The following ATXN1 variants were observed in gnomAD, a reference collection of about 807,000 sequenced individuals.
ATXN1 encodes the protein ataxin 1.
A neutral mutation model predicts 56.4 loss-of-function variants in ATXN1; 8 were observed. The observed-to-expected ratio is 0.14, with a 90% confidence interval of 0.08 to 0.26. The LOEUF (loss-of-function observed/expected upper bound fraction) is 0.26, where lower values mean the gene tolerates loss of function less well. Among genes scored for constraint, ATXN1 ranks in the 10% least tolerant of loss-of-function variants. The pLI, the probability that ATXN1 is intolerant of heterozygous loss-of-function variation, is 1.00. For missense variants in ATXN1, 987 were observed against 1,106.5 expected (o/e 0.89, Z 1.53); for synonymous variants, 514 against 494.6 (o/e 1.04, Z -0.52).
chr6:16,421,236 A>T (rs1181061825), intron 6 of ATXN1, among the ~76,000 whole-genome samples: 1 of 152,186 alleles, frequency 6.6e-6, no homozygotes, highest in East Asian at 1.9e-4. Context: ...GTGTGAGAAG[A>T]CATGAGTTCA....
rs1760040780 is a variant in ATXN1 at position 16,299,931 on chromosome 6, A to G, written c.*6398T>C. On this transcript the variant is annotated 3_prime_UTR_variant, in exon 8 of 8. Coordinates refer to ENST00000436367, the MANE Select transcript of ATXN1 (RefSeq NM_001128164.2). The stretch of plus-strand genomic sequence containing the variant: ...ACCCCACTCCTGGGCCAGAAAACTG[A>G]AAGAGTAGGTGGTTCCTGTAAGAAC... 1 of 152,670 alleles carries G rather than the reference A, an allele frequency of 6.6e-6. No homozygotes were observed. The highest frequency in any genetic ancestry group is 1.5e-5 in the Non-Finnish European group (1 of 68,042). 9.5% of individuals were successfully genotyped at this position (152,670 alleles called of 1,614,324 possible).
intron 6 of ATXN1, among the ~76,000 whole-genome samples, chr6:16,332,345 A>G (rs1761012046): frequency 6.6e-6 from 1 of 152,198 alleles, no homozygotes; most frequent in South Asian, 2.1e-4. Context: ...TCATGGGACT[A>G]AACAACAAAG....
At chr6:16,434,451 CT>C (rs1759348505) in intron 6 of ATXN1, among the ~76,000 whole-genome samples, 1 of 152,184 alleles carries the variant, frequency 6.6e-6, no homozygotes, top group Non-Finnish European at 1.5e-5. Context: ...CCTTCTAAAA[CT>C]TTGCTTACTG....
chr6:16,404,369 C>T (rs761327964), intron 6 of ATXN1, among the ~76,000 whole-genome samples: 2 of 152,170 alleles, frequency 1.3e-5, no homozygotes. Context: ...ACATTTTCCA[C>T]TAAAAGGTGC....
chr6:16,433,440 A>T lies in ATXN1; in HGVS notation c.-161+52532T>A, dbSNP rs192459682. On this transcript the variant is annotated intron_variant, in intron 6 of 7. Transcript: ENST00000436367. ...TGTTGGCTTTAAGGAGGATAAGAAG[A>T]ACTGAGTGCTCCAAGGAGATTTTAG... Among the ~76,000 whole-genome samples, 492 of 152,308 alleles carry T rather than the reference A, an allele frequency of 3.2e-3. 2 individuals carry two copies. Among genetic ancestry groups the T allele is most frequent in the African/African-American group, 0.011 (462 of 41,556 alleles).
At chr6:16,367,393 C>A (rs527596859) in intron 6 of ATXN1, among the ~76,000 whole-genome samples, 1 of 152,018 alleles carries the variant, frequency 6.6e-6, no homozygotes, top group African/African-American at 2.4e-5. Flanking sequence ...CACATACAGA[C>A]ACACACACAA....
At chr6:16,718,925 T>A (rs1759693088) in intron 2 of ATXN1, among the ~76,000 whole-genome samples, 4 of 152,240 alleles carry the variant, frequency 2.6e-5, no homozygotes, top group Admixed American at 1.3e-4. Context: ...ATGATAAAAC[T>A]GTCATTTCCT....
chr6:16,680,558 C>G (rs1329477496), intron 2 of ATXN1, among the ~76,000 whole-genome samples: 2 of 152,166 alleles, frequency 1.3e-5, no homozygotes, highest in Non-Finnish European at 2.9e-5. Flanking sequence ...GACACTGGGG[C>G]AGGGGTGAGG....
At chr6:16,481,700 A>G (rs536747782) in intron 6 of ATXN1, among the ~76,000 whole-genome samples, 1 of 152,156 alleles carries the variant, frequency 6.6e-6, no homozygotes, top group Non-Finnish European at 1.5e-5. Context: ...AATGGGTTTC[A>G]TTTGTACCAG....
intron 7 of ATXN1, among the ~76,000 whole-genome samples, chr6:16,310,642 C>T (rs1760367186): frequency 6.6e-6 from 1 of 152,122 alleles, no homozygotes; most frequent in Non-Finnish European, 1.5e-5. Context: ...ACCACCACCA[C>T]CACGCCCAGC....
At chr6:16,429,958 C>T (rs1390123282) in intron 6 of ATXN1, among the ~76,000 whole-genome samples, 5 of 152,116 alleles carry the variant, frequency 3.3e-5, no homozygotes, top group East Asian at 1.9e-4. Flanking sequence ...TTTAAGTACA[C>T]GTGCCTGAAA....
intron 5 of ATXN1, among the ~76,000 whole-genome samples, chr6:16,517,729 C>T (rs2113691224): frequency 6.6e-6 from 1 of 152,282 alleles, no homozygotes; most frequent in African/African-American, 2.4e-5. Flanking sequence ...TGTAGGTGCA[C>T]ACACATGCAT....
rs978249899 is a variant in ATXN1, at chr6:16,347,862, C to T, written c.-160-19392G>A. ...GGTAACCTTCTCCGATCCCTTTCCA[C>T]ACTGTGGAAGCTTTGTTCTTTTTGT... On this transcript the variant is annotated intron_variant, in intron 6 of 7. Transcript: ENST00000436367. Among the ~76,000 whole-genome samples the T allele has an allele frequency of 5.3e-5, 8 of 152,140 alleles. No homozygotes were observed. In the East Asian group the frequency reaches 9.6e-4, roughly 18 times the overall value.
intron 4 of ATXN1, among the ~76,000 whole-genome samples, chr6:16,541,631 G>GA (rs1761715304): frequency 6.6e-6 from 1 of 152,182 alleles, no homozygotes; most frequent in Non-Finnish European, 1.5e-5. Context: ...CACAGTGGTG[G>GA]AAAAGCTGGC....
chr6:16,423,886 T>A (rs2237205), intron 6 of ATXN1, among the ~76,000 whole-genome samples: 8,185 of 152,218 alleles, frequency 0.054, 276 homozygotes, highest in South Asian at 0.16. Flanking sequence ...CTTCAGAGAG[T>A]GTCTATCTGA....
chr6:16,516,239 G>A (rs776783382), intron 5 of ATXN1, among the ~76,000 whole-genome samples: 1 of 152,172 alleles, frequency 6.6e-6, no homozygotes, highest in Non-Finnish European at 1.5e-5. Flanking sequence ...TTTGGGGGCT[G>A]CCAGGTATAT....
At chr6:16,692,098 T>C (rs1759059273) in intron 2 of ATXN1, among the ~76,000 whole-genome samples, 1 of 152,148 alleles carries the variant, frequency 6.6e-6, no homozygotes, top group Non-Finnish European at 1.5e-5. Context: ...ACCTCATCTC[T>C]ACTAAAAATA....
chr6:16,656,004 C>A (rs1758193196), intron 3 of ATXN1, among the ~76,000 whole-genome samples: 1 of 151,096 alleles, frequency 6.6e-6, no homozygotes, highest in South Asian at 2.1e-4. Flanking sequence ...GCAGGAGAAT[C>A]GCTTGAACCT....
intron 4 of ATXN1, among the ~76,000 whole-genome samples, chr6:16,578,079 C>CTATTTTATAA (rs1207692458): frequency 2.0e-5 from 3 of 152,044 alleles, no homozygotes; most frequent in Non-Finnish European, 2.9e-5. Context: ...ATTTTTGGTT[C>CTATTTTATAA]TATTTTATAA....
Sources: allele counts gnomAD v4.1 joint callset (sites outside exome capture counted in the v4.1 genomes callset), GRCh38; gene constraint gnomAD v4.1.1; transcripts MANE v1.5; gene names NCBI Gene and HGNC (gene_info 2026-07-23, HGNC 2026-07-21).